MIA2: variants seen among roughly 807,000 people sequenced by gnomAD.
MIA2 encodes the protein melanoma inhibitory activity protein 2.
A neutral mutation model predicts 167.8 loss-of-function variants in MIA2; 127 were observed. The ratio of observed to expected loss-of-function variants is 0.76; its 90% CI spans 0.66 to 0.88. The LOEUF (loss-of-function observed/expected upper bound fraction) is 0.88. MIA2 is among the 40% of genes least tolerant of loss of function. The pLI is 0.00. For synonymous variants in MIA2, 552 were observed against 541.9 expected, an observed-to-expected ratio of 1.02 and a Z score of -0.26; for missense variants, 1,690 against 1,624.7, an observed-to-expected ratio of 1.04 and a Z score of -0.69.
intron 13 of MIA2, among the ~76,000 whole-genome samples, chr14:39,297,881 A>G (rs1240204244): frequency 6.6e-6 from 1 of 151,984 alleles, no homozygotes; most frequent in Non-Finnish European, 1.5e-5. Flanking sequence ...GAGGCTTTCT[A>G]GGGTATATCA....
At chr14:39,367,602 C>G (rs1211069692) in intron 23 of MIA2, among the ~76,000 whole-genome samples, 2 of 152,220 alleles carry the variant, frequency 1.3e-5, no homozygotes, top group Non-Finnish European at 2.9e-5. Context: ...CCTCTTTGGG[C>G]ACCCAGCTGA....
chr14:39,260,125 T>C (rs569677282), intron 6 of MIA2, among the ~76,000 whole-genome samples: 9 of 152,340 alleles, frequency 5.9e-5, no homozygotes, highest in African/African-American at 1.7e-4. Context: ...ACATTTGGGT[T>C]GGTTCCAAGT....
chr14:39,370,459 G>C, intron 23 of MIA2: 1 of 250,242 alleles, frequency 4.0e-6, no homozygotes, highest in South Asian at 5.9e-5. Context: ...TGGTGGGCCG[G>C]TTGGAATAGT....
intron 3 of MIA2, among the ~76,000 whole-genome samples, chr14:39,246,575 G>A (rs960580262): frequency 3.9e-5 from 6 of 151,966 alleles, no homozygotes; most frequent in African/African-American, 1.5e-4. Context: ...AATTAGCTGG[G>A]TATAGTAACA....
intron 2 of MIA2, among the ~76,000 whole-genome samples, chr14:39,239,132 T>A (rs2053929576): frequency 6.6e-6 from 1 of 152,182 alleles, no homozygotes; most frequent in African/African-American, 2.4e-5. Context: ...ATATTTTATT[T>A]AAAAATTCTG....
chr14:39,250,899 A>G (rs544486418), intron 4 of MIA2, among the ~76,000 whole-genome samples: 1 of 152,124 alleles, frequency 6.6e-6, no homozygotes. Flanking sequence ...ATTTATTAAC[A>G]AAGTGGGCTA....
intron 20 of MIA2, 51 bp downstream of exon 20, chr14:39,314,850 T>C (rs2065096962): frequency 3.0e-6 from 2 of 673,102 alleles, no homozygotes; most frequent in African/African-American, 4.3e-5. Context: ...ATATATATAA[T>C]TTAAAACAAT....
chr14:39,359,295 T>C (rs1196445774), intron 23 of MIA2, among the ~76,000 whole-genome samples: 1 of 152,164 alleles, frequency 6.6e-6, no homozygotes, highest in Non-Finnish European at 1.5e-5. Flanking sequence ...GCAGTTTGAT[T>C]TCAGACTGCT....
Position 39,304,333 on chromosome 14 carries a change from A to G in MIA2, c.2830A>G (p.Ile944Val). The change falls in exon 17 of 29, where the codon ATT (isoleucine) becomes GTT (valine). Residue 944 changes from isoleucine to valine, a missense_variant. Physicochemically the swap from Ile to Val is conservative, Grantham distance 29. Transcript: ENST00000640607. Reference protein sequence around the residue: ...LKTLEGERNQIYIQLSEVDKT... With the variant: ...LKTLEGERNQVYIQLSEVDKT... ...AACCTTAGAAGGAGAAAGAAACCAA[A>G]TTTATATTCAGTTGTCTGAAGTTGA... 1 of 1,578,706 alleles carries G rather than the reference A, an allele frequency of 6.3e-7. No individual in the cohort carries two copies. Among genetic ancestry groups the G allele is most frequent in the Non-Finnish European group, 8.6e-7 (1 of 1,161,570 alleles).
intron 26 of MIA2, 118 bp downstream of exon 26, chr14:39,346,144 C>G (rs2073196659): frequency 2.5e-6 from 2 of 788,434 alleles, no homozygotes; most frequent in Admixed American, 2.3e-5. Flanking sequence ...GCCAAAATCT[C>G]TTTCCTGAAA....
At chr14:39,239,987 G>A (rs570575635) in intron 2 of MIA2, among the ~76,000 whole-genome samples, 1 of 152,268 alleles carries the variant, frequency 6.6e-6, no homozygotes, top group Admixed American at 6.5e-5. Context: ...TCACCCTTGG[G>A]GCACAATCTG....
At chr14:39,344,263 T>TG (rs1374679068) in intron 25 of MIA2, among the ~76,000 whole-genome samples, 13 of 152,220 alleles carry the variant, frequency 8.5e-5, no homozygotes, top group Admixed American at 1.3e-4. Flanking sequence ...ATGTAGTATC[T>TG]GGAGACCTGA....
chr14:39,333,009 G>T (rs759186922), intron 25 of MIA2, among the ~76,000 whole-genome samples: 4 of 151,590 alleles, frequency 2.6e-5, no homozygotes, highest in Non-Finnish European at 5.9e-5. Flanking sequence ...ATTACCATTT[G>T]GTTCCTTTTT....
chr14:39,373,498 G>A (rs143933967), intron 23 of MIA2, among the ~76,000 whole-genome samples: 94 of 152,298 alleles, frequency 6.2e-4, no homozygotes, highest in Middle Eastern at 3.4e-3. Flanking sequence ...CTGAGGTATC[G>A]TTGATAAGAA....
chr14:39,373,548 G>A (rs912758618), intron 23 of MIA2, among the ~76,000 whole-genome samples: 3 of 152,216 alleles, frequency 2.0e-5, no homozygotes, highest in Non-Finnish European at 4.4e-5. Context: ...AGGGCTAGGC[G>A]TGGTGGTTCA....
chr14:39,288,466 T>TTTTG lies in MIA2; in HGVS notation c.2131-2553_2131-2552insTTTG, dbSNP rs2060204952. Among the ~76,000 whole-genome samples the TTTTG allele has an allele frequency of 5.3e-4, 20 of 37,754 alleles. 2 individuals are homozygous for TTTTG. Among genetic ancestry groups the TTTTG allele is most frequent in the African/African-American group, 1.1e-3 (8 of 7,062 alleles). 24.8% of individuals were successfully genotyped at this position (37,754 alleles called of 152,430 possible). The stretch of plus-strand genomic sequence containing the variant: ...ATATATATATATATATATATATATA[T>TTTTG]ATATATATATTTTTTTTTTTTTTTT... On this transcript the variant is annotated intron_variant, in intron 9 of 28. Transcript: ENST00000640607.
chr14:39,386,368 A>T, intron 23 of MIA2: 1 of 1,544,212 alleles, frequency 6.5e-7, no homozygotes, highest in South Asian at 1.1e-5. Flanking sequence ...AGGAACTGGG[A>T]CTCTCTTTTG....
intron 23 of MIA2, among the ~76,000 whole-genome samples, chr14:39,379,740 T>A (rs1380260295): frequency 6.6e-6 from 1 of 151,998 alleles, no homozygotes; most frequent in East Asian, 1.9e-4. Flanking sequence ...TAATCCCAGT[T>A]ATCAGGAGGC....
chr14:39,304,522 G>A lies in MIA2; in HGVS notation c.2878+141G>A, dbSNP rs190984436. ...ACTTTTGTTCCTGTTGGGTATTTGT[G>A]AAACATTAGTCCTGGTTTTTGTTGT... On this transcript the variant is annotated intron_variant, in intron 17 of 28. Coordinates refer to ENST00000640607, the MANE Select transcript of MIA2 (RefSeq NM_001329214.4). 2.4e-3 allele frequency: 1,131 copies of A among 466,362 alleles called. 9 individuals are homozygous for A. Among genetic ancestry groups the A allele is most frequent in the African/African-American group, 0.019 (928 of 48,678 alleles). 28.9% of individuals were successfully genotyped at this position (466,362 alleles called of 1,614,324 possible).
Sources: gnomAD v4.1 joint callset for allele counts (sites outside exome capture counted in the v4.1 genomes callset) on GRCh38, gnomAD v4.1.1 for gene constraint, MANE v1.5 for transcripts, NCBI Gene and HGNC (gene_info 2026-07-23, HGNC 2026-07-21) for gene names.